Variants in VXN observed in about 807,000 individuals in gnomAD.
The protein encoded by VXN is vexin, also known as uncharacterized protein C8orf46.
VXN carries 7 observed loss-of-function variants against 23.1 expected under a neutral mutation model. The ratio of observed to expected loss-of-function variants is 0.30; its 90% confidence interval spans 0.17 to 0.57. The LOEUF (loss-of-function observed/expected upper bound fraction) is 0.57, where lower values mean the gene tolerates loss of function less well. VXN is among the 20% of genes least tolerant of loss of function. VXN has a pLI of 0.91. For missense variants in VXN, 238 were observed against 272.6 expected, an observed-to-expected ratio of 0.87 and a Z score of 0.89; for synonymous variants, 120 against 105.8, an observed-to-expected ratio of 1.13 and a Z score of -0.83.
chr8:66,494,492 C>T (rs1807604335), intron 1 of VXN: 1 of 152,364 alleles, frequency 6.6e-6, no homozygotes, highest in Non-Finnish European at 1.5e-5. Context: ...CCCCTGGTCT[C>T]ATTGTCAGCC....
At chr8:66,513,211 C>T (rs551182336) in intron 4 of VXN, among the ~76,000 whole-genome samples, 16 of 152,286 alleles carry the variant, frequency 1.1e-4, no homozygotes, top group Admixed American at 5.2e-4. Flanking sequence ...CTGAGCTGCG[C>T]GGTCTCCAGT....
chr8:66,506,840 A>C (rs547572090), intron 3 of VXN, among the ~76,000 whole-genome samples: 2 of 150,534 alleles, frequency 1.3e-5, no homozygotes, highest in African/African-American at 4.9e-5. Flanking sequence ...GCAGAGTTTG[A>C]AAGCATTAGG....
At chr8:66,501,852 T>C (rs1165852490) in intron 2 of VXN, among the ~76,000 whole-genome samples, 3 of 152,214 alleles carry the variant, frequency 2.0e-5, no homozygotes, top group Non-Finnish European at 4.4e-5. Context: ...CAACTGACCC[T>C]TGGCTTCCCT....
chr8:66,513,426 T>C, intron 4 of VXN, 114 bp from the exon 5 acceptor site: 1 of 874,612 alleles, frequency 1.1e-6, no homozygotes, highest in Non-Finnish European at 1.9e-6. Context: ...TGATGAGGAC[T>C]ATGCCCAGGC....
Position 66,517,144 on chromosome 8 carries a change from T to A in VXN, c.*1068T>A, listed in dbSNP as rs769272311. Reference sequence around the variant, plus strand: ...CAAAAACAATTGAGCATCAATTTCATATGGTTCAACCTCATATATGATACT... The same window carrying A: ...CAAAAACAATTGAGCATCAATTTCAAATGGTTCAACCTCATATATGATACT... On this transcript the variant is annotated 3_prime_UTR_variant, in exon 6 of 6. Coordinates refer to ENST00000305454, the MANE Select transcript of VXN (RefSeq NM_152765.4). 1.3e-5 allele frequency: 2 copies of A among 152,250 alleles called. No individual in the cohort carries two copies. The highest frequency in any genetic ancestry group is 2.9e-5 in the Non-Finnish European group (2 of 68,046). The allele number at this position is 152,250 out of a possible 1,614,324, so 9.4% of individuals were successfully genotyped here. A position where few individuals can be genotyped will look rare whatever the true frequency, so the allele number is the denominator to read the frequency against.
At chr8:66,498,480 A>G (rs995328857) in intron 2 of VXN, among the ~76,000 whole-genome samples, 9 of 152,256 alleles carry the variant, frequency 5.9e-5, no homozygotes, top group African/African-American at 2.2e-4. Flanking sequence ...AGTATATGCT[A>G]TATAAAATTT....
chr8:66,500,483 A>G (rs1272727285), intron 2 of VXN, among the ~76,000 whole-genome samples: 1 of 151,978 alleles, frequency 6.6e-6, no homozygotes, highest in Non-Finnish European at 1.5e-5. Context: ...TTTTTCCCCT[A>G]CGGTTTCTTA....
intron 1 of VXN, 88 bp downstream of exon 1, chr8:66,493,806 A>G: frequency 2.7e-6 from 3 of 1,096,218 alleles, no homozygotes; most frequent in Non-Finnish European, 4.1e-6. Context: ...ACTACGGTTT[A>G]TCCTCAGGTC....
rs986477733 is a variant in VXN, at chr8:66,517,127, A to T, written c.*1051A>T. The T allele has an allele frequency of 6.6e-6, 1 of 152,200 alleles. No homozygotes were observed. Among genetic ancestry groups the T allele is most frequent in the Non-Finnish European group, 1.5e-5 (1 of 68,036 alleles). The allele number at this position is 152,200 out of a possible 1,614,324, so 9.4% of individuals were successfully genotyped here. A position where few individuals can be genotyped will look rare whatever the true frequency, so the allele number is the denominator to read the frequency against. ...TTGACATTTTTGTAGGTCAAAAACA[A>T]TTGAGCATCAATTTCATATGGTTCA... On this transcript the variant is annotated 3_prime_UTR_variant, in exon 6 of 6. Coordinates refer to ENST00000305454, the MANE Select transcript of VXN (RefSeq NM_152765.4).
At chr8:66,497,903 C>A (rs973673513) in intron 2 of VXN, among the ~76,000 whole-genome samples, 1 of 151,878 alleles carries the variant, frequency 6.6e-6, no homozygotes, top group Admixed American at 6.6e-5. Flanking sequence ...CGCAGTGGCT[C>A]ACGCCTGTAA....
chr8:66,505,384 G>C lies in VXN; in HGVS notation c.136G>C (p.Glu46Gln). The C allele has an allele frequency of 6.3e-7, 1 of 1,580,820 alleles. No individual in the cohort carries two copies. Among genetic ancestry groups the C allele is most frequent in the Non-Finnish European group, 8.6e-7 (1 of 1,164,434 alleles). Residue 46 changes from glutamate to glutamine, a missense_variant, in exon 3 of 6, where the codon GAG becomes CAG. Physicochemically the swap from Glu to Gln is conservative, Grantham distance 29. This residue lies in a region of VXN where 223 missense variants were observed against 236.9 expected (regional missense o/e 0.94). Transcript: ENST00000305454. Reference protein sequence around the residue: ...QHLLTKNVVIESDLYTHQPLE... With the variant: ...QHLLTKNVVIQSDLYTHQPLE... The stretch of plus-strand genomic sequence containing the variant: ...TTCCCCCGCCCGGCAGGTGGTGATC[G>C]AGTCGGACCTGTACACGCACCAGCC...
chr8:66,511,786 G>C (rs749126941), intron 4 of VXN, among the ~76,000 whole-genome samples: 33 of 152,148 alleles, frequency 2.2e-4, no homozygotes, highest in Non-Finnish European at 3.8e-4. Context: ...AGAGGAAGAG[G>C]CCAGGCACAG....
At position 66,493,575 on chromosome 8, in the gene VXN, T is replaced by G; in HGVS notation, c.-74T>G. ...CAATGATCCCTGAGCCAGACTGGAT[T>G]AGGATGCCTCGCGACTAGGGGTCCA... On this transcript the variant is annotated 5_prime_UTR_variant, in exon 1 of 6. In the 5' UTR this introduces an upstream ATG that the reference lacks. Coordinates refer to ENST00000305454, the MANE Select transcript of VXN (RefSeq NM_152765.4). 2.4e-6 allele frequency: 3 copies of G among 1,254,102 alleles called. No individual in the cohort carries two copies. In the South Asian group the frequency reaches 3.6e-5, roughly 15 times the overall value. 77.7% of individuals were successfully genotyped at this position (1,254,102 alleles called of 1,614,324 possible).
At position 66,516,027 on chromosome 8, in the gene VXN, A is replaced by G; in HGVS notation, c.575A>G (p.Lys192Arg). Reference sequence around the variant, plus strand: ...CGGAAAATGTGGACAAGGCACAAGAAGAAGTCTGAATATGTGGGAGCCACC... The same window carrying G: ...CGGAAAATGTGGACAAGGCACAAGAGGAAGTCTGAATATGTGGGAGCCACC... ...ILRKMWTRHK[K>R]KSEYVGATNS... is the part of the protein sequence containing the mutation. Residue 192 changes from lysine (K) to arginine (R), a missense_variant, in exon 6 of 6, where the codon AAG becomes AGG. Transcript: ENST00000305454. 6.2e-7 allele frequency: 1 copy of G among 1,613,616 alleles called. No individual in the cohort carries two copies. The highest frequency in any genetic ancestry group is 8.5e-7 in the Non-Finnish European group (1 of 1,179,968).
In VXN at chr8:66,516,062, T is replaced by C. The variant is rs1242352857; in HGVS notation, c.610T>C (p.Phe204Leu). Residue 204 changes from phenylalanine (F) to leucine (L), a missense_variant, in exon 6 of 6, where the codon TTT (phenylalanine) becomes CTT (leucine). Transcript: ENST00000305454. The stretch of plus-strand genomic sequence containing the variant: ...ATATGTGGGAGCCACCAACAGCGCC[T>C]TTGAGGCCGACTAAAGGTGACCCTC... ...SEYVGATNSA[F>L]EAD 6.2e-7 allele frequency: 1 copy of C among 1,609,792 alleles called. No homozygotes were observed. Among genetic ancestry groups the C allele is most frequent in the Non-Finnish European group, 8.5e-7 (1 of 1,179,246 alleles).
chr8:66,496,383 A>G, intron 1 of VXN, 54 bp from the exon 2 acceptor site: 1 of 1,538,642 alleles, frequency 6.5e-7, no homozygotes, highest in Non-Finnish European at 9.0e-7. Flanking sequence ...TACTGTAGCT[A>G]TGTCAGCCTC....
intron 4 of VXN, 85 bp downstream of exon 4, chr8:66,510,242 C>A: frequency 1.8e-6 from 2 of 1,123,756 alleles, no homozygotes; most frequent in Non-Finnish European, 1.3e-6. Flanking sequence ...TGAAGAGAGA[C>A]TCAGTGTTCT....
intron 3 of VXN, 32 bp from the exon 4 acceptor site, chr8:66,510,064 C>T (rs1244193613): frequency 3.1e-6 from 5 of 1,595,484 alleles, no homozygotes; most frequent in Non-Finnish European, 4.3e-6. Context: ...CAGAGTACCA[C>T]TGAGTAATAT....
chr8:66,513,670 G>A (rs1394556177), intron 5 of VXN, 33 bp downstream of exon 5: 2 of 1,573,102 alleles, frequency 1.3e-6, no homozygotes, highest in Non-Finnish European at 8.7e-7. Flanking sequence ...CACTGCCTGT[G>A]GCCTCCCACT....
Sources: gnomAD v4.1 joint callset for allele counts (sites outside exome capture counted in the v4.1 genomes callset) on GRCh38, gnomAD v4.1.1 for gene constraint, gnomAD v4.1.1 regional missense constraint, MANE v1.5 for transcripts, NCBI Gene and HGNC (gene_info 2026-07-23, HGNC 2026-07-21) for gene names.